ADAMTSL1: variants seen among roughly 807,000 people sequenced by gnomAD.
The protein encoded by ADAMTSL1 is ADAMTS like 1.
Under a neutral mutation model 201.8 loss-of-function variants are expected in ADAMTSL1, and 126 were observed. The observed-to-expected ratio is 0.62, with a 90% CI of 0.54 to 0.72. The LOEUF (loss-of-function observed/expected upper bound fraction) is 0.72, where lower values mean the gene tolerates loss of function less well. Among genes scored for constraint, ADAMTSL1 ranks in the 30% least tolerant of loss-of-function variants. ADAMTSL1 has a pLI of 0.00. For synonymous variants in ADAMTSL1, 1,121 were observed against 903.4 expected (o/e 1.24, Z -4.32); for missense variants, 2,679 against 2,277.8 (o/e 1.18, Z -3.59).
chr9:17,916,649 G>T (rs1826106046), intron 1 of ADAMTSL1, among the ~76,000 whole-genome samples: 1 of 152,112 alleles, frequency 6.6e-6, no homozygotes, highest in African/African-American at 2.4e-5. Context: ...TGGATTCTCT[G>T]CTCTAATCCA....
At chr9:17,944,749 A>C (rs1232731499) in intron 1 of ADAMTSL1, among the ~76,000 whole-genome samples, 5 of 130,962 alleles carry the variant, frequency 3.8e-5, no homozygotes, top group Admixed American at 8.2e-5. Flanking sequence ...TGCTGGGAAA[A>C]CTGGCTAGCC....
At position 18,601,148 on chromosome 9, in the gene ADAMTSL1, C is replaced by T. The variant is rs561807428; in HGVS notation, c.475-21095C>T. Among the ~76,000 whole-genome samples the T allele has an allele frequency of 9.2e-5, 14 of 152,294 alleles. No individual in the cohort carries two copies. The East Asian group carries it at 1.7e-3, about 19-fold the overall frequency. ...CTGTATACTCAGCTCCAGAATAGGA[C>T]AATAAGTGCCCTTCCTGGTGAAATA... On this transcript the variant is annotated intron_variant, in intron 4 of 28. Coordinates refer to ENST00000380548, the MANE Select transcript of ADAMTSL1 (RefSeq NM_001040272.6).
Position 18,639,244 on chromosome 9 carries a change from GATC to G in ADAMTSL1, c.677-7_677-5del, listed in dbSNP as rs1170526222. The G allele has an allele frequency of 3.7e-6, 6 of 1,612,170 alleles. No individual in the cohort carries two copies. The highest frequency in any genetic ancestry group is 4.2e-6 in the Non-Finnish European group (5 of 1,178,826). ...ATCTTTCTCTCATCTTCACGTGTTT[GATC>G]ATATAGATCTGGAAACCAAAACCCT... On this transcript the variant is annotated splice_polypyrimidine_tract_variant and splice_region_variant and intron_variant, in intron 6 of 28. Transcript: ENST00000380548.
chr9:18,390,816 A>T (rs907446403), intron 2 of ADAMTSL1, among the ~76,000 whole-genome samples: 1 of 152,188 alleles, frequency 6.6e-6, no homozygotes, highest in Non-Finnish European at 1.5e-5. Context: ...ACAAAAAAAA[A>T]CACCACCTCA....
At chr9:18,408,530 T>C (rs1818299861) in intron 2 of ADAMTSL1, among the ~76,000 whole-genome samples, 1 of 152,180 alleles carries the variant, frequency 6.6e-6, no homozygotes, top group Non-Finnish European at 1.5e-5. Context: ...TGCTGGTCAC[T>C]ATACTGGGCC....
rs568263789 is a variant in ADAMTSL1, at chr9:18,494,744, C to G, written c.64-10085C>G. Among the ~76,000 whole-genome samples the G allele has an allele frequency of 2.6e-5, 4 of 152,286 alleles. No individual in the cohort carries two copies. The South Asian group carries it at 8.3e-4, about 32-fold the overall frequency. ...CCTTTTTTGAAGAATTTGATAAAAGCTATAAATCCTCGCTCCAGAAGTGTG... is the reference window on the plus strand; with the variant it reads ...CCTTTTTTGAAGAATTTGATAAAAGGTATAAATCCTCGCTCCAGAAGTGTG... On this transcript the variant is annotated intron_variant, in intron 1 of 28. Coordinates refer to ENST00000380548, the MANE Select transcript of ADAMTSL1 (RefSeq NM_001040272.6).
At chr9:18,814,588 A>T (rs1166736723) in intron 20 of ADAMTSL1, among the ~76,000 whole-genome samples, 1 of 152,226 alleles carries the variant, frequency 6.6e-6, no homozygotes, top group Non-Finnish European at 1.5e-5. Flanking sequence ...TTGTAGGAAC[A>T]TGGATGGAGC....
chr9:18,841,631 C>T (rs556374853), intron 23 of ADAMTSL1, among the ~76,000 whole-genome samples: 143 of 152,282 alleles, frequency 9.4e-4, no homozygotes, highest in Non-Finnish European at 1.7e-3. Flanking sequence ...CCTTCTTGTA[C>T]CTCTGGTAGA....
intron 26 of ADAMTSL1, among the ~76,000 whole-genome samples, chr9:18,894,139 G>T (rs1400085593): frequency 6.6e-6 from 1 of 152,198 alleles, no homozygotes; most frequent in East Asian, 1.9e-4. Flanking sequence ...GGATTTTATT[G>T]TAAGTGCAAC....
At chr9:18,711,243 C>G (rs1044963951) in intron 14 of ADAMTSL1, among the ~76,000 whole-genome samples, 1 of 152,164 alleles carries the variant, frequency 6.6e-6, no homozygotes, top group Non-Finnish European at 1.5e-5. Flanking sequence ...AGGCAAGGAG[C>G]CAAGATGGCC....
intron 4 of ADAMTSL1, among the ~76,000 whole-genome samples, chr9:18,594,476 T>A (rs1013141619): frequency 2.6e-5 from 4 of 152,200 alleles, no homozygotes; most frequent in African/African-American, 9.6e-5. Context: ...TGCTTTTTGA[T>A]GTCCTGTAGA....
chr9:18,201,456 A>G (rs1210001748), intron 2 of ADAMTSL1, among the ~76,000 whole-genome samples: 2 of 152,096 alleles, frequency 1.3e-5, no homozygotes, highest in Non-Finnish European at 2.9e-5. Context: ...TAATAATAAG[A>G]GTTAACTTGG....
At chr9:18,668,548 T>G (rs1431840810) in intron 9 of ADAMTSL1, among the ~76,000 whole-genome samples, 2 of 152,232 alleles carry the variant, frequency 1.3e-5, no homozygotes, top group Admixed American at 1.3e-4. Context: ...TCCATCCTTA[T>G]TTTTAACTTC....
intron 2 of ADAMTSL1, among the ~76,000 whole-genome samples, chr9:18,430,898 G>A (rs113879247): frequency 0.019 from 2,840 of 152,292 alleles, 95 homozygotes; most frequent in African/African-American, 0.066. Context: ...GCCCCATAGT[G>A]ATTTAGCCAT....
chr9:17,969,708 AT>A (rs1203431462), intron 1 of ADAMTSL1, among the ~76,000 whole-genome samples: 2 of 152,074 alleles, frequency 1.3e-5, no homozygotes, highest in Non-Finnish European at 2.9e-5. Flanking sequence ...ACATTAAGTT[AT>A]TTTTAGAAAG....
At chr9:18,098,489 A>C (rs1824351955) in intron 1 of ADAMTSL1, among the ~76,000 whole-genome samples, 1 of 152,194 alleles carries the variant, frequency 6.6e-6, no homozygotes, top group Non-Finnish European at 1.5e-5. Context: ...AAGCTATTGT[A>C]AGTGATATTG....
intron 15 of ADAMTSL1, among the ~76,000 whole-genome samples, chr9:18,749,846 G>C (rs1184793641): frequency 6.6e-6 from 1 of 152,232 alleles, no homozygotes; most frequent in South Asian, 2.1e-4. Flanking sequence ...ACTTTTATCA[G>C]GGCAGGCAGA....
chr9:18,226,430 C>T (rs965286216), intron 2 of ADAMTSL1, among the ~76,000 whole-genome samples: 1 of 152,154 alleles, frequency 6.6e-6, no homozygotes, highest in African/African-American at 2.4e-5. Flanking sequence ...GATTCTACTT[C>T]CCTTGTAATT....
chr9:18,309,676 A>G (rs1363439086), intron 2 of ADAMTSL1, among the ~76,000 whole-genome samples: 2 of 152,148 alleles, frequency 1.3e-5, no homozygotes, highest in Non-Finnish European at 1.5e-5. Context: ...GCTCAACAAA[A>G]TAAGAGAGGA....
Sources: gnomAD v4.1 joint callset for allele counts (sites outside exome capture counted in the v4.1 genomes callset) on GRCh38, gnomAD v4.1.1 for gene constraint, MANE v1.5 for transcripts, NCBI Gene and HGNC (gene_info 2026-07-23, HGNC 2026-07-21) for gene names.